The following SLC30A6 variants were observed in gnomAD, a reference collection of about 807,000 sequenced individuals.
SLC30A6 encodes solute carrier family 30 member 6, also known as zinc transporter 6.
In SLC30A6, 55 loss-of-function variants were observed where a neutral mutation model predicts 63.0. The ratio of observed to expected loss-of-function variants is 0.87; its 90% CI spans 0.70 to 1.09. SLC30A6 has a LOEUF of 1.09. Ranked by LOEUF, SLC30A6 falls within the 50% of genes least tolerant of loss-of-function variation. The probability of loss-of-function intolerance (pLI) is 0.00; values close to 1 mark genes in which losing one functional copy is unlikely to be tolerated. For missense variants in SLC30A6, 587 were observed against 549.2 expected, an observed-to-expected ratio of 1.07 and a Z score of -0.69; for synonymous variants, 224 against 186.1, an observed-to-expected ratio of 1.20 and a Z score of -1.66.
intron 7 of SLC30A6, among the ~76,000 whole-genome samples, chr2:32,193,232 G>C (rs1206661605): frequency 1.3e-5 from 2 of 152,048 alleles, no homozygotes; most frequent in Non-Finnish European, 2.9e-5. Context: ...GCTTCCCCTA[G>C]TCTTCTGTAA....
chr2:32,215,231 G>C (rs911658663), intron 13 of SLC30A6, among the ~76,000 whole-genome samples: 1 of 152,008 alleles, frequency 6.6e-6, no homozygotes, highest in East Asian at 1.9e-4. Context: ...GTCTGGCTCT[G>C]TTGCCCAGCC....
At chr2:32,179,775 C>A (rs754007310) in intron 4 of SLC30A6, among the ~76,000 whole-genome samples, 1 of 152,128 alleles carries the variant, frequency 6.6e-6, no homozygotes, top group Non-Finnish European at 1.5e-5. Flanking sequence ...ACACTACACT[C>A]ATTCATTTGC....
At chr2:32,187,576 A>G (rs1682947319) in intron 5 of SLC30A6, among the ~76,000 whole-genome samples, 1 of 152,224 alleles carries the variant, frequency 6.6e-6, no homozygotes, top group Non-Finnish European at 1.5e-5. Context: ...GAAGTATCAC[A>G]TATATCTGGA....
At chr2:32,197,418 A>T (rs745929806) in intron 9 of SLC30A6, 26 bp downstream of exon 9, 3 of 1,597,722 alleles carry the variant, frequency 1.9e-6, no homozygotes, top group African/African-American at 2.7e-5. Flanking sequence ...GTTTCATGAT[A>T]TGCATAATTT....
intron 10 of SLC30A6, chr2:32,202,987 G>T: frequency 8.7e-7 from 1 of 1,147,182 alleles, no homozygotes; most frequent in Non-Finnish European, 1.3e-6. Context: ...ATTATTTTCT[G>T]TGAGACCCAG....
At position 32,197,725 on chromosome 2, in the gene SLC30A6, G is replaced by A. The variant is rs1370795487; in HGVS notation, c.564G>A (p.Pro188=). ...DLSRSLCGII[P]GLSSIFLPRM... ...TTCTTAGCTTGTGTGGAATTATTCCGGGACTTAGCAGTATCTTCCTTCCCC... is the reference window on the plus strand; with the variant it reads ...TTCTTAGCTTGTGTGGAATTATTCCAGGACTTAGCAGTATCTTCCTTCCCC... The change falls in exon 10 of 14, where the codon CCG becomes CCA. Residue 188 remains proline, a synonymous_variant. Coordinates refer to ENST00000282587, the MANE Select transcript of SLC30A6 (RefSeq NM_017964.5). 4.3e-6 allele frequency: 7 copies of A among 1,614,026 alleles called. No individual in the cohort carries two copies. The highest frequency in any genetic ancestry group is 1.7e-5 in the Admixed American group (1 of 60,012).
At chr2:32,191,974 GTTA>G (rs1250785106) in intron 5 of SLC30A6, among the ~76,000 whole-genome samples, 1 of 151,660 alleles carries the variant, frequency 6.6e-6, no homozygotes, top group African/African-American at 2.4e-5. Context: ...TCAATTAAGT[GTTA>G]TTATTATGAT....
chr2:32,191,728 T>C (rs1231801316), intron 5 of SLC30A6, among the ~76,000 whole-genome samples: 5 of 151,898 alleles, frequency 3.3e-5, no homozygotes, highest in Admixed American at 1.3e-4. Context: ...CTTATCTGTT[T>C]GGGAAAAAAA....
intron 10 of SLC30A6, chr2:32,203,355 C>A (rs1278402517): frequency 9.4e-6 from 9 of 954,736 alleles, no homozygotes; most frequent in Non-Finnish European, 1.4e-5. Flanking sequence ...ATTCCTTCTA[C>A]AATGGATTTA....
chr2:32,202,665 C>A, intron 10 of SLC30A6: 1 of 623,466 alleles, frequency 1.6e-6, no homozygotes. Context: ...CCATGTTGTG[C>A]TTGATGAAGT....
intron 8 of SLC30A6, among the ~76,000 whole-genome samples, chr2:32,195,850 A>G (rs1297081795): frequency 6.6e-6 from 1 of 152,068 alleles, no homozygotes; most frequent in East Asian, 1.9e-4. Context: ...CCTACTTTAT[A>G]TTTTCATTAG....
intron 10 of SLC30A6, among the ~76,000 whole-genome samples, chr2:32,200,009 G>T (rs212757): frequency 6.6e-6 from 1 of 151,648 alleles, no homozygotes; most frequent in East Asian, 1.9e-4. Flanking sequence ...CAACCACCTG[G>T]GAGGCTGAAG....
chr2:32,175,437 A>C, intron 4 of SLC30A6, 76 bp downstream of exon 4: 1 of 1,334,686 alleles, frequency 7.5e-7, no homozygotes, highest in Admixed American at 2.1e-5. Flanking sequence ...CATACAATTC[A>C]GCAATAAAAA....
rs1392789794 is a variant in SLC30A6, at chr2:32,192,805, GTTATAATA to G, written c.366-109_366-102del. On this transcript the variant is annotated intron_variant, in intron 6 of 13. Coordinates refer to ENST00000282587, the MANE Select transcript of SLC30A6 (RefSeq NM_017964.5). ...GCCTCATCACTGCTAATAGTTAATA[GTTATAATA>G]TTAAAAGATTTTGTGAACTTTAAGG... 6.4e-6 allele frequency: 4 copies of G among 626,730 alleles called. No individual in the cohort carries two copies. In the East Asian group the frequency reaches 1.3e-4, roughly 20 times the overall value. 38.8% of individuals were successfully genotyped at this position (626,730 alleles called of 1,614,324 possible). A position where few individuals can be genotyped will look rare whatever the true frequency, so the allele number is the denominator to read the frequency against.
At chr2:32,203,623 A>T in intron 10 of SLC30A6, 1 of 1,581,702 alleles carries the variant, frequency 6.3e-7, no homozygotes. Flanking sequence ...GAAAGAACTT[A>T]ACAGAAAGCT....
chr2:32,178,096 C>T (rs1025578227), intron 4 of SLC30A6, among the ~76,000 whole-genome samples: 4 of 151,728 alleles, frequency 2.6e-5, no homozygotes, highest in African/African-American at 7.3e-5. Flanking sequence ...TACAGGCACC[C>T]GCCACCACGC....
Position 32,197,376 on chromosome 2 carries a change from G to T in SLC30A6, c.529G>T (p.Ala177Ser). 1.2e-6 allele frequency: 2 copies of T among 1,613,556 alleles called. No individual in the cohort carries two copies. Among genetic ancestry groups the T allele is most frequent in the South Asian group, 2.2e-5 (2 of 91,028 alleles). The change falls in exon 9 of 14, where the codon GCA becomes TCA. Residue 177 changes from alanine to serine, a missense_variant. Coordinates refer to ENST00000282587, the MANE Select transcript of SLC30A6 (RefSeq NM_017964.5). ...ASTSWLQEHVADLSRSLCGII... is the reference protein window; with the variant it reads ...ASTSWLQEHVSDLSRSLCGII... ...TACGAGCTGGCTTCAAGAGCATGTTGCAGATCTTAGTCGAAGGTAAGATGT... is the reference window on the plus strand; with the variant it reads ...TACGAGCTGGCTTCAAGAGCATGTTTCAGATCTTAGTCGAAGGTAAGATGT...
chr2:32,220,174 T>C, intron 13 of SLC30A6, 39 bp from the exon 14 acceptor site: 1 of 1,576,120 alleles, frequency 6.3e-7, no homozygotes, highest in Non-Finnish European at 8.6e-7. Context: ...GTTAGTATAA[T>C]TCTAAGCAAT....
At chr2:32,167,816 C>CA (rs1287109267) in intron 1 of SLC30A6, among the ~76,000 whole-genome samples, 3 of 152,180 alleles carry the variant, frequency 2.0e-5, no homozygotes, top group Non-Finnish European at 4.4e-5. Flanking sequence ...TCAGATTATA[C>CA]ACCTTCATTA....
Sources: allele counts gnomAD v4.1 joint callset (sites outside exome capture counted in the v4.1 genomes callset), GRCh38; gene constraint gnomAD v4.1.1; transcripts MANE v1.5; gene names NCBI Gene and HGNC (gene_info 2026-07-23, HGNC 2026-07-21).